RANBP3L: variants seen among roughly 807,000 people sequenced by gnomAD.
RANBP3L encodes ran-binding protein 3-like.
RANBP3L carries 56 observed loss-of-function variants against 67.2 expected under a neutral mutation model. The observed-to-expected ratio is 0.83, with a 90% CI of 0.67 to 1.04. The LOEUF is 1.04. RANBP3L is among the 50% of genes least tolerant of loss of function. The pLI is 0.00. For synonymous variants in RANBP3L, 164 were observed against 181.4 expected, an observed-to-expected ratio of 0.90 and a Z score of 0.77; for missense variants, 496 against 535.5, an observed-to-expected ratio of 0.93 and a Z score of 0.73.
At position 36,270,002 on chromosome 5, in the gene RANBP3L, C is replaced by A. The variant is rs375158354; in HGVS notation, c.151-12G>T. 3.8e-5 allele frequency: 61 copies of A among 1,611,250 alleles called. No individual in the cohort carries two copies. The highest frequency in any genetic ancestry group is 5.1e-5 in the Non-Finnish European group (60 of 1,177,514). On this transcript the variant is annotated splice_polypyrimidine_tract_variant and intron_variant, in intron 2 of 13. Transcript: ENST00000296604. ...TCTTCTGCAGGTCTCTGAAAGGAAA[C>A]AAAACCACTGAGGAGAGCTGAGTAT...
chr5:36,270,892 T>C (rs1247265594), intron 2 of RANBP3L, among the ~76,000 whole-genome samples: 1 of 152,230 alleles, frequency 6.6e-6, no homozygotes, highest in East Asian at 1.9e-4. Flanking sequence ...AATCAAATAT[T>C]GTAATTTAGA....
intron 4 of RANBP3L, among the ~76,000 whole-genome samples, chr5:36,267,502 C>T (rs894795260): frequency 5.4e-5 from 8 of 149,442 alleles, no homozygotes; most frequent in East Asian, 3.9e-4. Flanking sequence ...AGCCAGACTC[C>T]GTCTCAAAAA....
At chr5:36,266,713 C>T (rs58116314) in intron 4 of RANBP3L, among the ~76,000 whole-genome samples, 3,066 of 151,762 alleles carry the variant, frequency 0.02, 103 homozygotes, top group African/African-American at 0.07. Context: ...AAACAGAACA[C>T]CTTTGCCTCT....
chr5:36,266,731 G>C (rs1018199564), intron 4 of RANBP3L, among the ~76,000 whole-genome samples: 2 of 147,682 alleles, frequency 1.4e-5, no homozygotes, highest in African/African-American at 5.0e-5. Flanking sequence ...TCTGGGATTA[G>C]GATCTCTATT....
chr5:36,250,747 G>A (rs1392286706), intron 13 of RANBP3L, among the ~76,000 whole-genome samples: 2 of 152,072 alleles, frequency 1.3e-5, no homozygotes, highest in Non-Finnish European at 1.5e-5. Context: ...ATCAAGATAA[G>A]CACTAAAACC....
rs530579079 is a variant in RANBP3L at position 36,299,683 on chromosome 5, T to G, written c.91+1643A>C. 1.8e-4 allele frequency among the ~76,000 whole-genome samples: 28 copies of G among 152,200 alleles called. No homozygotes were observed. In the East Asian group the frequency reaches 5.4e-3, roughly 29 times the overall value. ...TCATTAGTTTAGGTGCAGTCCAGTG[T>G]TAATTATAATAGTTAAAATATTAGA... On this transcript the variant is annotated intron_variant, in intron 1 of 13. Coordinates refer to ENST00000296604, the MANE Select transcript of RANBP3L (RefSeq NM_145000.5).
chr5:36,269,947 T>A lies in RANBP3L; in HGVS notation c.190+4A>T. The A allele has an allele frequency of 6.2e-7, 1 of 1,612,380 alleles. No individual in the cohort carries two copies. ...ATTTTGGAATACAGGATGAAAATCATTACCTGGTTCTGCTGCTTCATACAG... is the reference window on the plus strand; with the variant it reads ...ATTTTGGAATACAGGATGAAAATCAATACCTGGTTCTGCTGCTTCATACAG... On this transcript the variant is annotated splice_donor_region_variant and intron_variant, in intron 3 of 13. Transcript: ENST00000296604.
chr5:36,290,513 G>A lies in RANBP3L; in HGVS notation c.91+10813C>T, dbSNP rs560677016. Among the ~76,000 whole-genome samples the A allele has an allele frequency of 3.2e-4, 48 of 151,836 alleles. No homozygotes were observed. In the East Asian group the frequency reaches 6.8e-3, roughly 21 times the overall value. On this transcript the variant is annotated intron_variant, in intron 1 of 13. Coordinates refer to ENST00000296604, the MANE Select transcript of RANBP3L (RefSeq NM_145000.5). ...ATTACAGGTGTGAGCCACCGCACCC[G>A]GCCATATCTCTTTTTATTGATTAAT... is the stretch of plus-strand genomic sequence containing the variant.
intron 8 of RANBP3L, among the ~76,000 whole-genome samples, chr5:36,258,971 A>G (rs1042831852): frequency 6.6e-6 from 1 of 152,246 alleles, no homozygotes; most frequent in African/African-American, 2.4e-5. Flanking sequence ...AATGCTTTAT[A>G]TACCGTAAGA....
chr5:36,248,366 T>C lies in RANBP3L; in HGVS notation c.*1288A>G, dbSNP rs1173109848. The C allele has an allele frequency of 6.6e-6, 1 of 152,098 alleles. No individual in the cohort carries two copies. Among genetic ancestry groups the C allele is most frequent in the East Asian group, 1.9e-4 (1 of 5,204 alleles). 9.4% of individuals were successfully genotyped at this position (152,098 alleles called of 1,614,324 possible). On this transcript the variant is annotated 3_prime_UTR_variant, in exon 14 of 14. Coordinates refer to ENST00000296604, the MANE Select transcript of RANBP3L (RefSeq NM_145000.5). ...AAGGAAGGACAAAATGTTGAACAATTGTCATAATCATAATCTGAAAGACTT... is the reference window on the plus strand; with the variant it reads ...AAGGAAGGACAAAATGTTGAACAATCGTCATAATCATAATCTGAAAGACTT...
intron 1 of RANBP3L, among the ~76,000 whole-genome samples, chr5:36,271,931 C>A (rs895594730): frequency 6.6e-6 from 1 of 152,024 alleles, no homozygotes; most frequent in Non-Finnish European, 1.5e-5. Flanking sequence ...GAGAGAAACT[C>A]ATTCATTCTA....
intron 1 of RANBP3L, among the ~76,000 whole-genome samples, chr5:36,279,341 C>G (rs1185611720): frequency 1.3e-5 from 2 of 152,036 alleles, no homozygotes; most frequent in Non-Finnish European, 2.9e-5. Context: ...TGTGGGGGAA[C>G]TCTAAAAAAC....
intron 9 of RANBP3L, 63 bp from the exon 10 acceptor site, chr5:36,257,134 G>A: frequency 7.0e-7 from 1 of 1,437,530 alleles, no homozygotes; most frequent in Non-Finnish European, 9.5e-7. Context: ...AAAGTTCTTT[G>A]TTGCCCCTAT....
chr5:36,254,738 C>T (rs975536736), intron 11 of RANBP3L, among the ~76,000 whole-genome samples: 4 of 152,094 alleles, frequency 2.6e-5, no homozygotes, highest in Non-Finnish European at 4.4e-5. Context: ...CCTGTGGTCT[C>T]CTCCAAAGTC....
intron 11 of RANBP3L, 40 bp downstream of exon 11, chr5:36,255,430 C>T (rs935168194): frequency 1.3e-6 from 2 of 1,591,544 alleles, no homozygotes; most frequent in East Asian, 2.3e-5. Context: ...CAGGAGAAAT[C>T]CTGACAAATT....
intron 13 of RANBP3L, 116 bp downstream of exon 13, chr5:36,251,197 C>T (rs1249402340): frequency 6.5e-6 from 5 of 772,950 alleles, no homozygotes; most frequent in Admixed American, 3.2e-5. Context: ...AGGCTCTAGC[C>T]ACCACTAACT....
At chr5:36,297,571 AAT>A in intron 1 of RANBP3L, among the ~76,000 whole-genome samples, 1 of 152,326 alleles carries the variant, frequency 6.6e-6, no homozygotes, top group African/African-American at 2.4e-5. Context: ...AAAGCACCAT[AAT>A]ACATAAGGAA....
At chr5:36,263,200 G>A (rs1181678415) in intron 6 of RANBP3L, among the ~76,000 whole-genome samples, 1 of 151,966 alleles carries the variant, frequency 6.6e-6, no homozygotes, top group Admixed American at 6.6e-5. Flanking sequence ...TTAATGATGG[G>A]CATATACAGT....
intron 12 of RANBP3L, 96 bp from the exon 13 acceptor site, chr5:36,251,595 C>G: frequency 1.0e-6 from 1 of 978,998 alleles, no homozygotes; most frequent in South Asian, 1.8e-5. Flanking sequence ...GAAGGAATTA[C>G]ATGGCATAAA....
Sources: allele counts gnomAD v4.1 joint callset (sites outside exome capture counted in the v4.1 genomes callset), GRCh38; gene constraint gnomAD v4.1.1; transcripts MANE v1.5; gene names NCBI Gene and HGNC (gene_info 2026-07-23, HGNC 2026-07-21).